The following PCDH7 variants were observed in gnomAD, a reference collection of about 807,000 sequenced individuals.
PCDH7 encodes the protein protocadherin 7, also known as protocadherin-7.
A neutral mutation model predicts 58.9 loss-of-function variants in PCDH7; 17 were observed. The ratio of observed to expected loss-of-function variants is 0.29; its 90% CI spans 0.20 to 0.43. PCDH7 has a LOEUF of 0.43. Among genes scored for constraint, PCDH7 ranks in the 20% least tolerant of loss-of-function variants. The pLI, the probability that PCDH7 is intolerant of heterozygous loss-of-function variation, is 1.00. For missense variants in PCDH7, 1,274 were observed against 1,441.0 expected, an observed-to-expected ratio of 0.88 and a Z score of 1.88; for synonymous variants, 664 against 616.4, an observed-to-expected ratio of 1.08 and a Z score of -1.14.
intron 1 of PCDH7, among the ~76,000 whole-genome samples, chr4:30,823,389 CT>C (rs1355172434): frequency 3.3e-5 from 5 of 152,118 alleles, no homozygotes; most frequent in East Asian, 1.9e-4. Flanking sequence ...GTCACCGGTA[CT>C]TTTTGCAGTT....
intron 1 of PCDH7, among the ~76,000 whole-genome samples, chr4:30,760,963 C>A (rs992389074): frequency 1.3e-5 from 2 of 152,158 alleles, no homozygotes; most frequent in African/African-American, 4.8e-5. Flanking sequence ...AGCTTCCATT[C>A]AACTTGAAAA....
intron 1 of PCDH7, among the ~76,000 whole-genome samples, chr4:30,768,282 C>CAAGTAGTATGCATACATCTTCG (rs1720994411): frequency 1.3e-5 from 2 of 152,158 alleles, no homozygotes; most frequent in South Asian, 4.1e-4. Flanking sequence ...TTGGCTAATC[C>CAAGTAGTATGCATACATCTTCG]AAGTAGTATG....
chr4:30,838,614 T>A (rs899268312), intron 1 of PCDH7, among the ~76,000 whole-genome samples: 1 of 152,226 alleles, frequency 6.6e-6, no homozygotes, highest in Non-Finnish European at 1.5e-5. Context: ...CTGGCTTTGC[T>A]AGAGCAGCTC....
chr4:30,920,313 A>C (rs1263299440), exon 2 of PCDH7: 7 of 1,367,658 alleles, frequency 5.1e-6, no homozygotes, highest in Non-Finnish European at 6.8e-6. Context: ...CCAGAGGACA[A>C]CTATGAAAGG....
intron 1 of PCDH7, among the ~76,000 whole-genome samples, chr4:30,829,571 C>A (rs563070716): frequency 6.6e-6 from 1 of 152,084 alleles, no homozygotes; most frequent in East Asian, 1.9e-4. Flanking sequence ...ACAGCCTGAA[C>A]CCACAGATGC....
intron 1 of PCDH7, among the ~76,000 whole-genome samples, chr4:30,905,514 G>A (rs1340178259): frequency 6.6e-6 from 1 of 151,928 alleles, no homozygotes; most frequent in Non-Finnish European, 1.5e-5. Context: ...CTTGTATTCT[G>A]TGAATGCTTT....
intron 1 of PCDH7, chr4:30,725,194 A>T (rs1010593622): frequency 1.0e-6 from 1 of 999,520 alleles, no homozygotes; most frequent in African/African-American, 1.7e-5. Flanking sequence ...GTCATGCAAA[A>T]CTCCACTTTC....
intron 1 of PCDH7, among the ~76,000 whole-genome samples, chr4:30,762,484 C>T (rs148827314): frequency 3.7e-4 from 49 of 131,998 alleles, no homozygotes; most frequent in Non-Finnish European, 6.7e-4. Context: ...TCTTCTTTTC[C>T]CTTGCTTCCT....
chr4:30,841,709 T>C (rs1371185449), intron 1 of PCDH7, among the ~76,000 whole-genome samples: 3 of 152,032 alleles, frequency 2.0e-5, no homozygotes, highest in Admixed American at 1.3e-4. Context: ...TACCCTAGAA[T>C]ATAAGGATAT....
In PCDH7 at chr4:30,794,447, TA is replaced by T. The variant is rs567515750; in HGVS notation, c.70+69856del. Among the ~76,000 whole-genome samples the T allele has an allele frequency of 1.4e-3, 213 of 152,320 alleles. 1 individual carries two copies. Among genetic ancestry groups the T allele is most frequent in the African/African-American group, 4.8e-3 (200 of 41,580 alleles). On this transcript the variant is annotated intron_variant, in intron 1 of 3. Transcript: ENST00000509759. ...TGCAGAGGACTCTTATTTCCCCTCT[TA>T]AAAATTGTTCCATAGCCTCTTTTGG...
At chr4:30,865,124 C>A (rs1734708754) in intron 1 of PCDH7, among the ~76,000 whole-genome samples, 1 of 151,900 alleles carries the variant, frequency 6.6e-6, no homozygotes. Flanking sequence ...AGTGACATAA[C>A]ACAGTCAAAA....
At chr4:31,012,960 T>C (rs1218504183) in intron 3 of PCDH7, among the ~76,000 whole-genome samples, 1 of 150,382 alleles carries the variant, frequency 6.6e-6, no homozygotes, top group Non-Finnish European at 1.5e-5. Context: ...TAGTGAGCTA[T>C]GAAATGATCT....
intron 3 of PCDH7, among the ~76,000 whole-genome samples, chr4:31,060,001 T>C (rs1218480575): frequency 6.6e-6 from 1 of 151,788 alleles, no homozygotes; most frequent in South Asian, 2.1e-4. Flanking sequence ...AGAATCATTA[T>C]GATGCCAGCT....
rs914378843 is a variant in PCDH7, at chr4:31,035,877, T to A, written c.*7+85662T>A. 2.0e-5 allele frequency among the ~76,000 whole-genome samples: 3 copies of A among 152,162 alleles called. No homozygotes were observed. In the East Asian group the frequency reaches 5.8e-4, roughly 29 times the overall value. On this transcript the variant is annotated intron_variant, in intron 3 of 3. Transcript: ENST00000509759. ...TTGTGTGTAATTATTTTTTGGCAGGTTTTAGAAATATATTTATGGTAGCGA... is the reference window on the plus strand; with the variant it reads ...TTGTGTGTAATTATTTTTTGGCAGGATTTAGAAATATATTTATGGTAGCGA...
At chr4:31,112,804 G>A (rs142291087) in intron 3 of PCDH7, among the ~76,000 whole-genome samples, 241 of 152,184 alleles carry the variant, frequency 1.6e-3, no homozygotes, top group African/African-American at 5.6e-3. Context: ...TTCTTTCTAG[G>A]CAGGATTTGC....
intron 1 of PCDH7, among the ~76,000 whole-genome samples, chr4:30,847,895 G>A (rs1732194522): frequency 6.6e-6 from 1 of 152,034 alleles, no homozygotes; most frequent in Admixed American, 6.6e-5. Context: ...ATATCAGTGT[G>A]AACCTAGGGT....
intron 3 of PCDH7, among the ~76,000 whole-genome samples, chr4:30,999,500 T>C (rs947088443): frequency 2.0e-5 from 3 of 152,100 alleles, no homozygotes; most frequent in African/African-American, 4.8e-5. Context: ...AATTGTCGCC[T>C]GAAAATTAAT....
At chr4:30,847,783 C>T (rs1375817054) in intron 1 of PCDH7, among the ~76,000 whole-genome samples, 1 of 152,040 alleles carries the variant, frequency 6.6e-6, no homozygotes, top group Non-Finnish European at 1.5e-5. Context: ...TTTACCACAG[C>T]TTTTCAATCT....
At chr4:30,729,362 C>G (rs1715137915) in intron 1 of PCDH7, among the ~76,000 whole-genome samples, 1 of 151,924 alleles carries the variant, frequency 6.6e-6, no homozygotes, top group Admixed American at 6.6e-5. Context: ...GACTATAATT[C>G]TGCTTTAGGC....
Sources: gnomAD v4.1 joint callset for allele counts (sites outside exome capture counted in the v4.1 genomes callset) on GRCh38, gnomAD v4.1.1 for gene constraint, MANE v1.5 for transcripts, NCBI Gene and HGNC (gene_info 2026-07-23, HGNC 2026-07-21) for gene names.